The following FGF21 variants were observed in gnomAD, a reference collection of about 807,000 sequenced individuals.
The protein encoded by FGF21 is fibroblast growth factor 21.
In FGF21, 13 loss-of-function variants were observed where a neutral mutation model predicts 13.4. That is an observed-to-expected ratio of 0.97 (90% CI 0.63 to 1.54). FGF21 has a LOEUF of 1.54. Ranked by LOEUF, FGF21 falls within the 40% of genes most tolerant of loss-of-function variation. FGF21 has a pLI of 0.00. For missense variants in FGF21, 303 were observed against 272.4 expected, an observed-to-expected ratio of 1.11 and a Z score of -0.79; for synonymous variants, 124 against 123.6, an observed-to-expected ratio of 1.00 and a Z score of -0.02.
chr19:48,756,912 C>T lies in FGF21; in HGVS notation c.236-14C>T, dbSNP rs774191892. The T allele has an allele frequency of 6.2e-7, 1 of 1,607,688 alleles. No individual in the cohort carries two copies. The highest frequency in any genetic ancestry group is 1.1e-5 in the South Asian group (1 of 90,924). ...GAGAGGTCCTCGAACCACCTTATCG[C>T]TTTCACCCCTTAGGTCTCCTGCAGC... is the stretch of plus-strand genomic sequence containing the variant. On this transcript the variant is annotated splice_polypyrimidine_tract_variant and intron_variant, in intron 2 of 3. Coordinates refer to ENST00000593756, the MANE Select transcript of FGF21 (RefSeq NM_019113.4).
chr19:48,758,273 C>T lies in FGF21; in HGVS notation c.*53C>T, dbSNP rs1262837425. The T allele has an allele frequency of 6.3e-6, 9 of 1,427,498 alleles. No homozygotes were observed. Among genetic ancestry groups the T allele is most frequent in the Non-Finnish European group, 8.4e-6 (9 of 1,072,524 alleles). 88.4% of individuals were successfully genotyped at this position (1,427,498 alleles called of 1,614,324 possible). A position where few individuals can be genotyped will look rare whatever the true frequency, so the allele number is the denominator to read the frequency against. ...CCTCTTTATTTATTAGGTTATTTAT[C>T]TTATTTATTTTTTTATTTTTCTTAC... On this transcript the variant is annotated 3_prime_UTR_variant, in exon 4 of 4. Coordinates refer to ENST00000593756, the MANE Select transcript of FGF21 (RefSeq NM_019113.4).
Position 48,757,819 on chromosome 19 carries a change from C to T in FGF21, c.340-111C>T, listed in dbSNP as rs1304859246. 3.8e-6 allele frequency: 4 copies of T among 1,040,846 alleles called. No individual in the cohort carries two copies. In the Admixed American group the frequency reaches 1.1e-4, roughly 27 times the overall value. The allele number at this position is 1,040,846 out of a possible 1,614,324, so 64.5% of individuals were successfully genotyped here. A position where few individuals can be genotyped will look rare whatever the true frequency, so the allele number is the denominator to read the frequency against. ...ACCCCTGGGTCTGAGGGAGGAGGCG[C>T]TGGGGGCCTGGACCCCTGGGTCTGA... On this transcript the variant is annotated intron_variant, in intron 3 of 3. Transcript: ENST00000593756.
In FGF21 at chr19:48,758,171, T is replaced by A; in HGVS notation, c.581T>A (p.Leu194Gln). ...QPPDVGSSDP[L>Q]SMVGPSQGRS... ...CCCGATGTGGGCTCCTCGGACCCTCTGAGCATGGTGGGACCTTCCCAGGGC... is the reference window on the plus strand; with the variant it reads ...CCCGATGTGGGCTCCTCGGACCCTCAGAGCATGGTGGGACCTTCCCAGGGC... Residue 194 changes from leucine to glutamine, a missense_variant, in exon 4 of 4, where the codon CTG becomes CAG. By Grantham distance (113) the Leu-to-Gln change is moderately radical (BLOSUM62 -2). Transcript: ENST00000593756. The A allele has an allele frequency of 6.2e-6, 10 of 1,612,414 alleles. No individual in the cohort carries two copies. The highest frequency in any genetic ancestry group is 8.5e-6 in the Non-Finnish European group (10 of 1,179,760).
chr19:48,758,110 C>T lies in FGF21; in HGVS notation c.520C>T (p.Leu174Phe). Residue 174 changes from leucine (L) to phenylalanine (F), a missense_variant, in exon 4 of 4, where the codon CTC becomes TTC. Coordinates refer to ENST00000593756, the MANE Select transcript of FGF21 (RefSeq NM_019113.4). ...FLPLPGLPPA[L>F]PEPPGILAPQ... is the part of the protein sequence containing the mutation. ...GCCACTACCAGGCCTGCCCCCCGCA[C>T]TCCCGGAGCCACCCGGAATCCTGGC... 6.2e-7 allele frequency: 1 copy of T among 1,610,882 alleles called. No homozygotes were observed. The highest frequency in any genetic ancestry group is 1.7e-5 in the Admixed American group (1 of 59,720).
intron 2 of FGF21, 131 bp downstream of exon 2, chr19:48,756,602 T>C (rs1444773383): frequency 7.9e-6 from 5 of 629,350 alleles, no homozygotes; most frequent in Non-Finnish European, 1.2e-5. Context: ...TCTGGACTCC[T>C]GGGTCTGAGG....
rs200052141 is a variant in FGF21, at chr19:48,756,254, C to A, written c.18C>A (p.Thr6=). The A allele has an allele frequency of 9.3e-6, 15 of 1,613,574 alleles. No individual in the cohort carries two copies. The highest frequency in any genetic ancestry group is 1.3e-5 in the Non-Finnish European group (15 of 1,179,724). The change falls in exon 2 of 4, where the codon ACC becomes ACA. Residue 6 remains threonine, a synonymous_variant. Coordinates refer to ENST00000593756, the MANE Select transcript of FGF21 (RefSeq NM_019113.4). ...AGCCATTGATGGACTCGGACGAGAC[C>A]GGGTTCGAGCACTCAGGACTGTGGG... MDSDE[T]GFEHSGLWVS... is the part of the protein sequence containing the mutation.
In FGF21 at chr19:48,758,107, G is replaced by C. The variant is rs376996120; in HGVS notation, c.517G>C (p.Ala173Pro). The C allele has an allele frequency of 6.2e-6, 10 of 1,608,922 alleles. No individual in the cohort carries two copies. Among genetic ancestry groups the C allele is most frequent in the Non-Finnish European group, 7.6e-6 (9 of 1,178,392 alleles). Residue 173 changes from alanine to proline, a missense_variant, in exon 4 of 4, where the codon GCA becomes CCA. Coordinates refer to ENST00000593756, the MANE Select transcript of FGF21 (RefSeq NM_019113.4). ...CCTGCCACTACCAGGCCTGCCCCCCGCACTCCCGGAGCCACCCGGAATCCT... is the reference window on the plus strand; with the variant it reads ...CCTGCCACTACCAGGCCTGCCCCCCCCACTCCCGGAGCCACCCGGAATCCT... ...RFLPLPGLPP[A>P]LPEPPGILAP...
rs1290964268 is a variant in FGF21, at chr19:48,758,322, G to A, written c.*102G>A. 9.4e-6 allele frequency: 11 copies of A among 1,171,710 alleles called. No individual in the cohort carries two copies. Among genetic ancestry groups the A allele is most frequent in the East Asian group, 2.7e-5 (1 of 36,972 alleles). 72.6% of individuals were successfully genotyped at this position (1,171,710 alleles called of 1,614,324 possible). On this transcript the variant is annotated 3_prime_UTR_variant, in exon 4 of 4. Transcript: ENST00000593756. ...ACTTGAGATAATAAAGAGTTCCAGA[G>A]GAGGATAAGAATGAGCATGTGTGAG...
chr19:48,756,283 C>T lies in FGF21; in HGVS notation c.47C>T (p.Ser16Phe). 1 of 1,614,136 alleles carries T rather than the reference C, an allele frequency of 6.2e-7. No homozygotes were observed. The highest frequency in any genetic ancestry group is 8.5e-7 in the Non-Finnish European group (1 of 1,180,032). Residue 16 changes from serine (S) to phenylalanine (F), a missense_variant, in exon 2 of 4, where the codon TCT becomes TTT. Physicochemically the swap from Ser to Phe is radical, Grantham distance 155 (BLOSUM62 -2). Coordinates refer to ENST00000593756, the MANE Select transcript of FGF21 (RefSeq NM_019113.4). ...TTCGAGCACTCAGGACTGTGGGTTT[C>T]TGTGCTGGCTGGTCTTCTGCTGGGA... ...TGFEHSGLWV[S>F]VLAGLLLGAC...
rs760498049 is a variant in FGF21 at position 48,756,324 on chromosome 19, C to T, written c.88C>T (p.Pro30Ser). Residue 30 changes from proline (P) to serine (S), a missense_variant, in exon 2 of 4, where the codon CCC (proline) becomes TCC (serine). Physicochemically the swap from Pro to Ser is moderately conservative, Grantham distance 74. Coordinates refer to ENST00000593756, the MANE Select transcript of FGF21 (RefSeq NM_019113.4). ...TCTGCTGGGAGCCTGCCAGGCACAC[C>T]CCATCCCTGACTCCAGTCCTCTCCT... ...GLLLGACQAH[P>S]IPDSSPLLQF... The T allele has an allele frequency of 1.9e-6, 3 of 1,614,042 alleles. No individual in the cohort carries two copies. The East Asian group carries it at 6.7e-5, about 36-fold the overall frequency.
rs1370762359 is a variant in FGF21 at position 48,756,367 on chromosome 19, T to C, written c.131T>C (p.Val44Ala). The C allele has an allele frequency of 1.2e-6, 2 of 1,613,940 alleles. No individual in the cohort carries two copies. Among genetic ancestry groups the C allele is most frequent in the Non-Finnish European group, 1.7e-6 (2 of 1,180,004 alleles). Residue 44 changes from valine (V) to alanine (A), a missense_variant, in exon 2 of 4, where the codon GTC (valine) becomes GCC (alanine). Physicochemically the swap from Val to Ala is moderately conservative, Grantham distance 64. Coordinates refer to ENST00000593756, the MANE Select transcript of FGF21 (RefSeq NM_019113.4). ...SSPLLQFGGQ[V>A]RQRYLYTDDA... is the part of the protein sequence containing the mutation. Reference sequence around the variant, plus strand: ...CCTCTCCTGCAATTCGGGGGCCAAGTCCGGCAGCGGTACCTCTACACAGAT... The same window carrying C: ...CCTCTCCTGCAATTCGGGGGCCAAGCCCGGCAGCGGTACCTCTACACAGAT...
In FGF21 at chr19:48,756,420, G is replaced by A; in HGVS notation, c.184G>A (p.Glu62Lys). The change falls in exon 2 of 4, where the codon GAG (glutamate) becomes AAG (lysine). Residue 62 changes from glutamate to lysine, a missense_variant. Glu to Lys is a moderately conservative substitution (Grantham distance 56). Transcript: ENST00000593756. Reference protein sequence around the residue: ...DDAQQTEAHLEIREDGTVGGA... With the variant: ...DDAQQTEAHLKIREDGTVGGA... ...TGCCCAGCAGACAGAAGCCCACCTG[G>A]AGATCAGGGAGGATGGGACGGTGGG... 1.9e-6 allele frequency: 3 copies of A among 1,613,842 alleles called. No homozygotes were observed. The highest frequency in any genetic ancestry group is 2.5e-6 in the Non-Finnish European group (3 of 1,180,020).
chr19:48,757,764 G>A (rs1304184739), intron 3 of FGF21, among the ~76,000 whole-genome samples, 166 bp from the exon 4 acceptor site: 2 of 148,082 alleles, frequency 1.4e-5, no homozygotes, highest in South Asian at 2.1e-4. Context: ...CTGGACTCCT[G>A]GGTCGGATGG....
At position 48,758,111 on chromosome 19, in the gene FGF21, T is replaced by C. The variant is rs739320; in HGVS notation, c.521T>C (p.Leu174Pro). The C allele has an allele frequency of 0.66, 1,067,058 of 1,610,790 alleles. 362,552 individuals are homozygous for C. The highest frequency in any genetic ancestry group is 1 in the East Asian group (44,714 of 44,800). The change falls in exon 4 of 4, where the codon CTC becomes CCC. Residue 174 changes from leucine (L) to proline (P), a missense_variant. Transcript: ENST00000593756. Reference sequence around the variant, plus strand: ...CCACTACCAGGCCTGCCCCCCGCACTCCCGGAGCCACCCGGAATCCTGGCC... The same window carrying C: ...CCACTACCAGGCCTGCCCCCCGCACCCCCGGAGCCACCCGGAATCCTGGCC... ...FLPLPGLPPALPEPPGILAPQ... is the reference protein window; with the variant it reads ...FLPLPGLPPAPPEPPGILAPQ...
Position 48,756,911 on chromosome 19 carries a change from G to A in FGF21, c.236-15G>A, listed in dbSNP as rs562346393. On this transcript the variant is annotated splice_polypyrimidine_tract_variant and intron_variant, in intron 2 of 3. Coordinates refer to ENST00000593756, the MANE Select transcript of FGF21 (RefSeq NM_019113.4). ...GGAGAGGTCCTCGAACCACCTTATC[G>A]CTTTCACCCCTTAGGTCTCCTGCAG... 19 of 1,607,946 alleles carry A rather than the reference G, an allele frequency of 1.2e-5. No individual in the cohort carries two copies. The highest frequency in any genetic ancestry group is 5.0e-5 in the Admixed American group (3 of 59,928).
At position 48,758,147 on chromosome 19, in the gene FGF21, C is replaced by G. The variant is rs983618958; in HGVS notation, c.557C>G (p.Pro186Arg). Residue 186 changes from proline to arginine, a missense_variant, in exon 4 of 4, where the codon CCC becomes CGC. By Grantham distance (103) the Pro-to-Arg change is moderately radical. Transcript: ENST00000593756. ...CCCGGAATCCTGGCCCCCCAGCCCC[C>G]CGATGTGGGCTCCTCGGACCCTCTG... ...EPPGILAPQPPDVGSSDPLSM... is the reference protein window; with the variant it reads ...EPPGILAPQPRDVGSSDPLSM... The G allele has an allele frequency of 1.9e-6, 3 of 1,611,856 alleles. No homozygotes were observed. Among genetic ancestry groups the G allele is most frequent in the Non-Finnish European group, 2.5e-6 (3 of 1,179,662 alleles).
intron 3 of FGF21, 92 bp from the exon 4 acceptor site, chr19:48,757,838 G>C: frequency 1.6e-6 from 2 of 1,274,828 alleles, no homozygotes; most frequent in South Asian, 3.0e-5. Flanking sequence ...TGGACCCCTG[G>C]GTCTGAGGGA....
chr19:48,756,870 G>A (rs1191386722), intron 2 of FGF21, 56 bp from the exon 3 acceptor site: 2 of 1,366,134 alleles, frequency 1.5e-6, no homozygotes, highest in Non-Finnish European at 2.1e-6. Context: ...GTCGGGTGGT[G>A]GGACAGTCCC....
At position 48,758,197 on chromosome 19, in the gene FGF21, C is replaced by T. The variant is rs760751014; in HGVS notation, c.607C>T (p.Arg203Ter). The change falls in exon 4 of 4, where the codon CGA becomes TGA. Residue 203 changes from arginine to a stop codon, truncating the protein, a stop_gained. Transcript: ENST00000593756. LOFTEE classifies it high-confidence loss of function. ...GAGCATGGTGGGACCTTCCCAGGGC[C>T]GAAGCCCCAGCTACGCTTCCTGAAG... ...PLSMVGPSQG[R>*]SPSYAS 10 of 1,610,032 alleles carry T rather than the reference C, an allele frequency of 6.2e-6. No homozygotes were observed. Among genetic ancestry groups the T allele is most frequent in the African/African-American group, 1.3e-5 (1 of 74,808 alleles).
Sources: allele counts gnomAD v4.1 joint callset (sites outside exome capture counted in the v4.1 genomes callset), GRCh38; gene constraint gnomAD v4.1.1; transcripts MANE v1.5; gene names NCBI Gene and HGNC (gene_info 2026-07-23, HGNC 2026-07-21).